MYL12B: variants seen among roughly 807,000 people sequenced by gnomAD.
The protein encoded by MYL12B is myosin light chain 12B, also known as myosin regulatory light chain 12B.
MYL12B carries 3 observed loss-of-function variants against 12.9 expected under a neutral mutation model. The observed-to-expected ratio is 0.23, with a 90% CI of 0.11 to 0.60. The LOEUF (loss-of-function observed/expected upper bound fraction) is 0.60. Among genes scored for constraint, MYL12B ranks in the 20% least tolerant of loss-of-function variants. The probability of loss-of-function intolerance (pLI) is 0.89; values close to 1 mark genes in which losing one functional copy is unlikely to be tolerated. For synonymous variants in MYL12B, 57 were observed against 71.9 expected (o/e 0.79, Z 1.05); for missense variants, 120 against 215.4 (o/e 0.56, Z 2.77).
intron 1 of MYL12B, among the ~76,000 whole-genome samples, chr18:3,268,554 T>G (rs976977374): frequency 6.6e-6 from 1 of 152,226 alleles, no homozygotes; most frequent in Non-Finnish European, 1.5e-5. Flanking sequence ...ACATTTCATT[T>G]ACTCACTGCA....
intron 2 of MYL12B, among the ~76,000 whole-genome samples, chr18:3,275,648 A>G (rs564652732): frequency 2.6e-5 from 4 of 152,304 alleles, no homozygotes; most frequent in South Asian, 4.1e-4. Flanking sequence ...TTACCTTTCA[A>G]ATCAACAGAT....
At chr18:3,276,971 T>G in intron 2 of MYL12B, 1 of 984,302 alleles carries the variant, frequency 1.0e-6, no homozygotes, top group Non-Finnish European at 1.2e-6. Context: ...ACTGCCTGGC[T>G]TCAGGTTTTT....
Position 3,276,646 on chromosome 18 carries a change from A to T in MYL12B, c.185-607A>T, listed in dbSNP as rs1598810692. 5.1e-6 allele frequency: 4 copies of T among 781,970 alleles called. No individual in the cohort carries two copies. In the Admixed American group the frequency reaches 2.5e-4, roughly 49 times the overall value. The allele number at this position is 781,970 out of a possible 1,614,324, so 48.4% of individuals were successfully genotyped here. A position where few individuals can be genotyped will look rare whatever the true frequency, so the allele number is the denominator to read the frequency against. ...ATACAACTTTGAAGCATATCAACTT[A>T]TGGGCATCTGTACCACAACTGGAAG... On this transcript the variant is annotated intron_variant, in intron 2 of 3. Coordinates refer to ENST00000237500, the MANE Select transcript of MYL12B (RefSeq NM_033546.4).
At chr18:3,262,359 C>T (rs2081598862) in intron 1 of MYL12B, 122 bp downstream of exon 1, 1 of 152,376 alleles carries the variant, frequency 6.6e-6, no homozygotes, top group East Asian at 1.9e-4. Context: ...GGCGGCAGGA[C>T]CTGTCAGACT....
chr18:3,274,414 A>T (rs2081711463), intron 2 of MYL12B, among the ~76,000 whole-genome samples: 1 of 151,178 alleles, frequency 6.6e-6, no homozygotes, highest in South Asian at 2.1e-4. Flanking sequence ...TTTCAGCCTA[A>T]TTAAATTTAA....
intron 2 of MYL12B, among the ~76,000 whole-genome samples, chr18:3,274,488 C>T (rs1265812754): frequency 2.0e-5 from 3 of 152,102 alleles, no homozygotes; most frequent in Non-Finnish European, 4.4e-5. Context: ...AGCAGATTCA[C>T]AGAGACTCCA....
chr18:3,277,495 T>A, intron 3 of MYL12B, 81 bp downstream of exon 3: 3 of 1,540,402 alleles, frequency 1.9e-6, no homozygotes, highest in Non-Finnish European at 2.6e-6. Flanking sequence ...TTTCTTTTTT[T>A]ACCTTTAGAA....
chr18:3,275,006 G>A (rs985123990), intron 2 of MYL12B, among the ~76,000 whole-genome samples: 2 of 152,150 alleles, frequency 1.3e-5, no homozygotes, highest in Admixed American at 6.6e-5. Flanking sequence ...CATTGAAGAG[G>A]TATCTGCACT....
intron 1 of MYL12B, among the ~76,000 whole-genome samples, chr18:3,263,497 CT>C (rs2081611484): frequency 6.6e-6 from 1 of 152,152 alleles, no homozygotes; most frequent in Admixed American, 6.5e-5. Context: ...AGTGAAACAG[CT>C]TTTATGATGG....
intron 1 of MYL12B, among the ~76,000 whole-genome samples, chr18:3,265,376 C>T (rs1016659162): frequency 1.3e-5 from 2 of 152,136 alleles, no homozygotes; most frequent in African/African-American, 4.8e-5. Context: ...CAGTAATAAC[C>T]ATAAGAATCC....
chr18:3,278,010 C>A lies in MYL12B; in HGVS notation c.*73C>A. On this transcript the variant is annotated 3_prime_UTR_variant, in exon 4 of 4. Coordinates refer to ENST00000237500, the MANE Select transcript of MYL12B (RefSeq NM_033546.4). ...ACTTCTCAGACACTTCCCCCACCCT[C>A]ATAGAACCTGTTGCATGCAACTTAG... 1 of 1,537,170 alleles carries A rather than the reference C, an allele frequency of 6.5e-7. No homozygotes were observed. Among genetic ancestry groups the A allele is most frequent in the East Asian group, 2.4e-5 (1 of 41,592 alleles).
At chr18:3,276,884 A>G (rs1283027484) in intron 2 of MYL12B, 2 of 960,526 alleles carry the variant, frequency 2.1e-6, no homozygotes, top group Admixed American at 1.2e-4. Context: ...AAAAAACAAA[A>G]AATTAGCAGG....
At chr18:3,272,079 T>C in intron 1 of MYL12B, 2 of 985,202 alleles carry the variant, frequency 2.0e-6, no homozygotes, top group South Asian at 4.7e-5. Flanking sequence ...TAGACTGGTA[T>C]TCTGAAAGTC....
chr18:3,276,552 A>C, intron 2 of MYL12B: 2 of 985,362 alleles, frequency 2.0e-6, no homozygotes, highest in Non-Finnish European at 2.4e-6. Flanking sequence ...AAGATATCTA[A>C]CATTGTTCAA....
chr18:3,269,461 G>C (rs1341144062), intron 1 of MYL12B, among the ~76,000 whole-genome samples: 2 of 152,138 alleles, frequency 1.3e-5, no homozygotes, highest in East Asian at 3.9e-4. Flanking sequence ...GGATTGGGGA[G>C]GGTGACTCCT....
rs1490458788 is a variant in MYL12B at position 3,277,841 on chromosome 18, G to A, written c.423G>A (p.Glu141=). The change falls in exon 4 of 4, where the codon GAG becomes GAA. Residue 141 remains glutamate, a synonymous_variant. Transcript: ENST00000237500. The stretch of plus-strand genomic sequence containing the variant: ...GGTTTACAGATGAGGAAGTGGATGA[G>A]CTGTACAGAGAAGCACCTATTGACA... The part of the protein sequence containing the change: ...GDRFTDEEVD[E]LYREAPIDKK... 6.2e-7 allele frequency: 1 copy of A among 1,614,100 alleles called. No homozygotes were observed. The highest frequency in any genetic ancestry group is 8.5e-7 in the Non-Finnish European group (1 of 1,180,004).
rs1463160875 is a variant in MYL12B, at chr18:3,267,805, G to C, written c.-15-5079G>C. On this transcript the variant is annotated intron_variant, in intron 1 of 3. Transcript: ENST00000237500. ...ATATAGTCATTCATCTGTATCTGCA[G>C]AGGGTTGGTTCCAGGACCCTCCTGC... Among the ~76,000 whole-genome samples the C allele has an allele frequency of 3.3e-5, 5 of 152,274 alleles. No individual in the cohort carries two copies. In the East Asian group the frequency reaches 9.6e-4, roughly 29 times the overall value.
chr18:3,266,877 T>C lies in MYL12B; in HGVS notation c.-16+4640T>C, dbSNP rs990483115. ...TGACTTCTGATCTACTTAACACTTA[T>C]TTAATGGATGAGGAAAATGAGGCCT... On this transcript the variant is annotated intron_variant, in intron 1 of 3. Transcript: ENST00000237500. Among the ~76,000 whole-genome samples, 5 of 152,166 alleles carry C rather than the reference T, an allele frequency of 3.3e-5. No homozygotes were observed. The South Asian group carries it at 8.3e-4, about 25-fold the overall frequency.
rs892754642 is a variant in MYL12B at position 3,272,949 on chromosome 18, T to A, written c.51T>A (p.Arg17=). The part of the protein sequence containing the change: ...KTKTTKKRPQ[R]ATSNVFAMFD... ...AGACCACCAAGAAGCGCCCTCAGCG[T>A]GCAACATCCAATGTGTTTGCCATGT... is the stretch of plus-strand genomic sequence containing the variant. The change falls in exon 2 of 4, where the codon CGT becomes CGA. Residue 17 remains arginine (R), a synonymous_variant. Coordinates refer to ENST00000237500, the MANE Select transcript of MYL12B (RefSeq NM_033546.4). 1 of 1,611,534 alleles carries A rather than the reference T, an allele frequency of 6.2e-7. No individual in the cohort carries two copies. The highest frequency in any genetic ancestry group is 1.3e-5 in the African/African-American group (1 of 74,282).
Sources: allele counts gnomAD v4.1 joint callset (sites outside exome capture counted in the v4.1 genomes callset), GRCh38; gene constraint gnomAD v4.1.1; transcripts MANE v1.5; gene names NCBI Gene and HGNC (gene_info 2026-07-23, HGNC 2026-07-21).